The following PDE6H variants were observed in gnomAD, a reference collection of about 807,000 sequenced individuals.
The protein encoded by PDE6H is phosphodiesterase 6H, also known as retinal cone rhodopsin-sensitive cGMP 3',5'-cyclic phosphodiesterase subunit gamma.
A neutral mutation model predicts 9.2 loss-of-function variants in PDE6H; 11 were observed. That is an observed-to-expected ratio of 1.19 (90% CI 0.75 to 1.97). The LOEUF (loss-of-function observed/expected upper bound fraction) is 1.97, where lower values mean the gene tolerates loss of function less well. Among genes scored for constraint, PDE6H ranks in the 30% most tolerant of loss-of-function variants. PDE6H has a pLI of 0.00. For missense variants in PDE6H, 98 were observed against 101.5 expected (o/e 0.97, Z 0.15); for synonymous variants, 36 against 33.6 (o/e 1.07, Z -0.25).
intron 1 of PDE6H, among the ~76,000 whole-genome samples, chr12:14,973,535 G>A (rs1864549801): frequency 6.6e-6 from 1 of 152,294 alleles, no homozygotes; most frequent in Non-Finnish European, 1.5e-5. Context: ...ATGACCACAG[G>A]GCAGGGCAGG....
At chr12:14,979,686 C>T (rs1484981916) in intron 3 of PDE6H, among the ~76,000 whole-genome samples, 1 of 152,202 alleles carries the variant, frequency 6.6e-6, no homozygotes, top group Non-Finnish European at 1.5e-5. Flanking sequence ...TCTTTTTACA[C>T]ATCCTCTAGC....
Position 14,978,001 on chromosome 12 carries a change from G to T in PDE6H, c.-12G>T, listed in dbSNP as rs1257266188. ...CTGAAAGGGAAACATCAGCCGCCCG[G>T]GGGGAGTTAAAATGAGTGACAACAC... On this transcript the variant is annotated 5_prime_UTR_variant, in exon 2 of 4. Transcript: ENST00000266395. The T allele has an allele frequency of 6.2e-6, 10 of 1,613,024 alleles. 1 individual carries two copies. The South Asian group carries it at 9.9e-5, about 16-fold the overall frequency.
intron 2 of PDE6H, 126 bp from the exon 3 acceptor site, chr12:14,979,053 G>C: frequency 2.8e-6 from 2 of 723,446 alleles, no homozygotes; most frequent in South Asian, 3.0e-5. Context: ...AACTAAAGGA[G>C]TTTCTCACAT....
At position 14,977,999 on chromosome 12, in the gene PDE6H, C is replaced by T. The variant is rs377394177; in HGVS notation, c.-14C>T. ...GGCTGAAAGGGAAACATCAGCCGCC[C>T]GGGGGGAGTTAAAATGAGTGACAAC... On this transcript the variant is annotated 5_prime_UTR_variant, in exon 2 of 4. Transcript: ENST00000266395. The T allele has an allele frequency of 1.5e-4, 238 of 1,612,732 alleles. No homozygotes were observed. The highest frequency in any genetic ancestry group is 9.2e-4 in the Middle Eastern group (5 of 5,426).
rs777641012 is a variant in PDE6H, at chr12:14,977,962, A to T, written c.-41-10A>T. On this transcript the variant is annotated splice_polypyrimidine_tract_variant and intron_variant, in intron 1 of 3. Transcript: ENST00000266395. ...AAAGATCTTCTTTTTTTTATCTTTC[A>T]CTGTCTAAGGAGGCTGAAAGGGAAA... 4 of 1,576,338 alleles carry T rather than the reference A, an allele frequency of 2.5e-6. No homozygotes were observed. The highest frequency in any genetic ancestry group is 1.7e-5 in the Admixed American group (1 of 57,988).
chr12:14,973,289 A>C (rs61910464), intron 1 of PDE6H, among the ~76,000 whole-genome samples: 17,945 of 152,254 alleles, frequency 0.12, 1,171 homozygotes, highest in South Asian at 0.25. Context: ...CAAATAAGTG[A>C]AACTTGATTA....
In PDE6H at chr12:14,977,977, T is replaced by A. The variant is rs1864621001; in HGVS notation, c.-36T>A. 2 of 1,609,100 alleles carry A rather than the reference T, an allele frequency of 1.2e-6. No individual in the cohort carries two copies. The highest frequency in any genetic ancestry group is 1.7e-6 in the Non-Finnish European group (2 of 1,176,548). ...TTTATCTTTCACTGTCTAAGGAGGC[T>A]GAAAGGGAAACATCAGCCGCCCGGG... On this transcript the variant is annotated 5_prime_UTR_variant, in exon 2 of 4. Transcript: ENST00000266395.
chr12:14,976,236 C>A (rs1864593593), intron 1 of PDE6H, among the ~76,000 whole-genome samples: 1 of 152,158 alleles, frequency 6.6e-6, no homozygotes, highest in Non-Finnish European at 1.5e-5. Flanking sequence ...CCTCATGAAG[C>A]TAGTCCAGTA....
chr12:14,979,013 G>A (rs1864639632), intron 2 of PDE6H, among the ~76,000 whole-genome samples, 166 bp from the exon 3 acceptor site: 1 of 152,178 alleles, frequency 6.6e-6, no homozygotes, highest in African/African-American at 2.4e-5. Context: ...ACCTGCCTGA[G>A]TGACATTTTC....
At position 14,974,658 on chromosome 12, in the gene PDE6H, G is replaced by C. The variant is rs558053241; in HGVS notation, c.-42+1572G>C. On this transcript the variant is annotated intron_variant, in intron 1 of 3. Coordinates refer to ENST00000266395, the MANE Select transcript of PDE6H (RefSeq NM_006205.3). Reference sequence around the variant, plus strand: ...TTTTAAATTCTTCGGGGTTGCTGTTGGGGTGTCAAAGGAATTCAAGGAAAG... The same window carrying C: ...TTTTAAATTCTTCGGGGTTGCTGTTCGGGTGTCAAAGGAATTCAAGGAAAG... Among the ~76,000 whole-genome samples the C allele has an allele frequency of 5.3e-5, 8 of 152,330 alleles. 1 individual carries two copies. The South Asian group carries it at 1.7e-3, about 32-fold the overall frequency.
chr12:14,981,321 C>T, intron 3 of PDE6H, 79 bp from the exon 4 acceptor site: 2 of 889,888 alleles, frequency 2.2e-6, no homozygotes, highest in African/African-American at 3.3e-5. Context: ...TGAAGTGTCT[C>T]TGCCTGAAGG....
chr12:14,979,985 A>G (rs985840316), intron 3 of PDE6H, among the ~76,000 whole-genome samples: 1 of 152,136 alleles, frequency 6.6e-6, no homozygotes, highest in Non-Finnish European at 1.5e-5. Flanking sequence ...TGTTAATTAA[A>G]CTCCATAGCT....
intron 1 of PDE6H, among the ~76,000 whole-genome samples, chr12:14,976,545 C>T (rs547342404): frequency 6.6e-6 from 1 of 152,054 alleles, no homozygotes; most frequent in Admixed American, 6.5e-5. Context: ...TTAGCATAGG[C>T]TGGTGTGATG....
In PDE6H at chr12:14,978,029, C is replaced by T; in HGVS notation, c.17C>T (p.Thr6Ile). ...GGAGTTAAAATGAGTGACAACACTA[C>T]TCTGCCTGCTCCAGCTTCAAACCAG... is the stretch of plus-strand genomic sequence containing the variant. MSDNT[T>I]LPAPASNQGP... The change falls in exon 2 of 4, where the codon ACT becomes ATT. Residue 6 changes from threonine (T) to isoleucine (I), a missense_variant. Thr to Ile is a moderately conservative substitution (Grantham distance 89). Coordinates refer to ENST00000266395, the MANE Select transcript of PDE6H (RefSeq NM_006205.3). 2 of 1,613,492 alleles carry T rather than the reference C, an allele frequency of 1.2e-6. No individual in the cohort carries two copies. The highest frequency in any genetic ancestry group is 2.2e-5 in the East Asian group (1 of 44,854).
At chr12:14,973,390 T>A (rs1207213284) in intron 1 of PDE6H, among the ~76,000 whole-genome samples, 1 of 152,188 alleles carries the variant, frequency 6.6e-6, no homozygotes, top group African/African-American at 2.4e-5. Context: ...GTAAACAGTT[T>A]TCTGAAGAAG....
chr12:14,981,691 C>G lies in PDE6H; in HGVS notation c.*215C>G. On this transcript the variant is annotated 3_prime_UTR_variant, in exon 4 of 4. Coordinates refer to ENST00000266395, the MANE Select transcript of PDE6H (RefSeq NM_006205.3). ...AGTGGATGCATTTCAAACTTGACCA[C>G]CTTTTCCTACCAGCTAGTTAGAAGT... The G allele has an allele frequency of 1.6e-6, 1 of 609,196 alleles. No homozygotes were observed. The highest frequency in any genetic ancestry group is 2.9e-6 in the Non-Finnish European group (1 of 340,140). 37.7% of individuals were successfully genotyped at this position (609,196 alleles called of 1,614,324 possible).
At chr12:14,978,475 C>A (rs769951020) in intron 2 of PDE6H, among the ~76,000 whole-genome samples, 20 of 152,202 alleles carry the variant, frequency 1.3e-4, no homozygotes, top group Non-Finnish European at 2.2e-4. Context: ...AACCACTGAC[C>A]ATTTCCAGAA....
Position 14,979,712 on chromosome 12 carries a change from T to C in PDE6H, c.175+493T>C, listed in dbSNP as rs540343775. Among the ~76,000 whole-genome samples the C allele has an allele frequency of 4.6e-5, 7 of 152,324 alleles. No individual in the cohort carries two copies. In the East Asian group the frequency reaches 1.3e-3, roughly 29 times the overall value. On this transcript the variant is annotated intron_variant, in intron 3 of 3. Transcript: ENST00000266395. ...ATCCTCTAGCACCCAGAGGAGGATC[T>C]TACATACTGAATGCCTGCAATATAA...
intron 1 of PDE6H, among the ~76,000 whole-genome samples, chr12:14,973,656 C>T (rs556247444): frequency 2.0e-5 from 3 of 152,160 alleles, no homozygotes; most frequent in African/African-American, 7.2e-5. Flanking sequence ...TCTTGCTTTG[C>T]TTTTCAAATT....
Sources: gnomAD v4.1 joint callset for allele counts (sites outside exome capture counted in the v4.1 genomes callset) on GRCh38, gnomAD v4.1.1 for gene constraint, MANE v1.5 for transcripts, NCBI Gene and HGNC (gene_info 2026-07-23, HGNC 2026-07-21) for gene names.